The following FNBP1 variants were observed in gnomAD, a reference collection of about 807,000 sequenced individuals.
FNBP1 encodes the protein formin binding protein 1.
Under a neutral mutation model 90.6 loss-of-function variants are expected in FNBP1, and 26 were observed. The observed-to-expected ratio is 0.29, with a 90% CI of 0.21 to 0.40. The LOEUF is 0.40. Ranked by LOEUF, FNBP1 falls within the 10% of genes least tolerant of loss-of-function variation. The pLI is 1.00. For synonymous variants in FNBP1, 260 were observed against 265.2 expected (o/e 0.98, Z 0.19); for missense variants, 635 against 768.0 (o/e 0.83, Z 2.05).
chr9:129,927,163 G>A (rs1172142743), intron 8 of FNBP1, 32 bp downstream of exon 8: 2 of 1,608,558 alleles, frequency 1.2e-6, no homozygotes, highest in Non-Finnish European at 1.7e-6. Flanking sequence ...TCTGCAAATA[G>A]TTATCAATGA....
At chr9:129,915,458 G>A (rs1564316202) in intron 11 of FNBP1, among the ~76,000 whole-genome samples, 1 of 152,030 alleles carries the variant, frequency 6.6e-6, no homozygotes, top group East Asian at 1.9e-4. Context: ...TTCACCTCCC[G>A]GGTTCAAGCA....
At chr9:129,895,735 A>G in intron 16 of FNBP1, 103 bp downstream of exon 16, 1 of 1,400,896 alleles carries the variant, frequency 7.1e-7, no homozygotes, top group Non-Finnish European at 9.2e-7. Context: ...CTTGCCAGCC[A>G]GTCTCTTGAG....
chr9:129,899,826 G>GGGGAAA, intron 15 of FNBP1, 139 bp downstream of exon 15: 1 of 662,366 alleles, frequency 1.5e-6, no homozygotes, highest in Non-Finnish European at 2.3e-6. Context: ...GGAAGGGGAA[G>GGGGAAA]GGAAGGTAGG....
chr9:129,906,032 C>T (rs947924455), intron 12 of FNBP1, among the ~76,000 whole-genome samples: 12 of 151,756 alleles, frequency 7.9e-5, no homozygotes, highest in Admixed American at 3.3e-4. Context: ...TACAGACATG[C>T]GCCACCACGC....
Position 129,890,561 on chromosome 9 carries a change from G to A in FNBP1, c.1847-15C>T. The A allele has an allele frequency of 1.3e-6, 2 of 1,574,610 alleles. No homozygotes were observed. Among genetic ancestry groups the A allele is most frequent in the Non-Finnish European group, 1.7e-6 (2 of 1,160,278 alleles). On this transcript the variant is annotated splice_polypyrimidine_tract_variant and intron_variant, in intron 16 of 16. Coordinates refer to ENST00000446176, the MANE Select transcript of FNBP1 (RefSeq NM_015033.3). The surrounding 1 kb of genome is among the most constrained non-coding windows in gnomAD (Gnocchi z 5.8). Reference sequence around the variant, plus strand: ...CCTCTAGGAATCTACAACACAAAGAGAAACAGAAAGAGAAACTCTCTGTTA... The same window carrying A: ...CCTCTAGGAATCTACAACACAAAGAAAAACAGAAAGAGAAACTCTCTGTTA...
chr9:129,989,209 A>G (rs1228474119), intron 2 of FNBP1, among the ~76,000 whole-genome samples: 4 of 152,198 alleles, frequency 2.6e-5, no homozygotes, highest in Non-Finnish European at 5.9e-5. Context: ...TTGGAGTCAT[A>G]CATGCTATCT....
At position 129,957,226 on chromosome 9, in the gene FNBP1, T is replaced by TG. The variant is rs1434866044; in HGVS notation, c.513+133dup. 1.8e-5 allele frequency: 11 copies of TG among 627,914 alleles called. No individual in the cohort carries two copies. Among genetic ancestry groups the TG allele is most frequent in the Middle Eastern group, 4.2e-4 (1 of 2,404 alleles). 38.9% of individuals were successfully genotyped at this position (627,914 alleles called of 1,614,324 possible). On this transcript the variant is annotated intron_variant, in intron 6 of 16. Coordinates refer to ENST00000446176, the MANE Select transcript of FNBP1 (RefSeq NM_015033.3). This position sits in a 1 kb window ranked among gnomAD's most constrained non-coding sequence, Gnocchi z 4.3. ...CTAATTTTTGTGTTTTTCGTAGAGA[T>TG]GGGGTTTCACCATCTTGGCCAGGCT...
chr9:130,022,662 A>T (rs1589320335), intron 1 of FNBP1, among the ~76,000 whole-genome samples: 7 of 151,042 alleles, frequency 4.6e-5, no homozygotes, highest in Admixed American at 4.6e-4. Flanking sequence ...AAATACCAAC[A>T]CTCGCTCTTT....
chr9:130,008,891 C>T (rs1315634793), intron 1 of FNBP1, among the ~76,000 whole-genome samples: 1 of 151,866 alleles, frequency 6.6e-6, no homozygotes, highest in Non-Finnish European at 1.5e-5. Flanking sequence ...CAAGACCGAC[C>T]CAGGAAAGGA....
chr9:130,029,072 T>C (rs933695307), intron 1 of FNBP1, among the ~76,000 whole-genome samples: 8 of 152,150 alleles, frequency 5.3e-5, no homozygotes, highest in African/African-American at 1.9e-4. Context: ...AAGCAAAACA[T>C]TTTTTACTAT....
At chr9:129,959,188 T>A (rs1471208324) in intron 4 of FNBP1, among the ~76,000 whole-genome samples, 2 of 151,244 alleles carry the variant, frequency 1.3e-5, no homozygotes, top group Non-Finnish European at 2.9e-5. Flanking sequence ...AGTCAGTTAC[T>A]TGGGAGGCTG....
upstream of FNBP1, among the ~76,000 whole-genome samples, chr9:130,046,246 A>G (rs909404818): frequency 1.3e-5 from 2 of 152,108 alleles, no homozygotes; most frequent in Admixed American, 1.3e-4. Context: ...CCAAGACAAG[A>G]TTAGAGGTGT....
chr9:129,962,625 G>A (rs541873724), intron 4 of FNBP1, among the ~76,000 whole-genome samples: 3 of 152,166 alleles, frequency 2.0e-5, no homozygotes, highest in Admixed American at 6.5e-5. Flanking sequence ...TCTCTTTTGA[G>A]GTCGAGTTTC....
chr9:130,048,491 CTTTT>C, the FNBP1 span, among the ~76,000 whole-genome samples: 1 of 105,080 alleles, frequency 9.5e-6, no homozygotes. Context: ...CCTCAGTTTC[CTTTT>C]TTTTTTTTTT....
intron 4 of FNBP1, among the ~76,000 whole-genome samples, chr9:129,963,224 TGTGG>T (rs919586879): frequency 1.3e-5 from 2 of 152,146 alleles, no homozygotes; most frequent in Non-Finnish European, 2.9e-5. Flanking sequence ...GGGGCAATGC[TGTGG>T]GTGGAGACAG....
At chr9:129,926,400 G>A (rs1235656274) in intron 8 of FNBP1, among the ~76,000 whole-genome samples, 1 of 152,156 alleles carries the variant, frequency 6.6e-6, no homozygotes, top group Non-Finnish European at 1.5e-5. Context: ...CTGCCCTAAA[G>A]CAGTATTCTC....
rs2050589073 is a variant in FNBP1 at position 129,977,893 on chromosome 9, T to G, written c.345+572A>C. Among the ~76,000 whole-genome samples the G allele has an allele frequency of 2.6e-5, 4 of 152,208 alleles. No homozygotes were observed. The South Asian group carries it at 8.3e-4, about 32-fold the overall frequency. ...CTGATACCCTGAAATATATTTAAAT[T>G]CCTCAAAGGGATGCATATTCCTTTG... On this transcript the variant is annotated intron_variant, in intron 4 of 16. Coordinates refer to ENST00000446176, the MANE Select transcript of FNBP1 (RefSeq NM_015033.3).
At chr9:129,949,890 T>C (rs1323889141) in intron 6 of FNBP1, among the ~76,000 whole-genome samples, 4 of 152,178 alleles carry the variant, frequency 2.6e-5, no homozygotes, top group Non-Finnish European at 5.9e-5. Context: ...TTCATATCAA[T>C]TGTATCAAGC....
In FNBP1 at chr9:130,025,700, G is replaced by T. The variant is rs150686940; in HGVS notation, c.24+17252C>A. ...GCACTTTGGGAGGCCTAGGCGGGTG[G>T]ATCACCTGAGGTCAGGAGTTCCAGA... On this transcript the variant is annotated intron_variant, in intron 1 of 16. Coordinates refer to ENST00000446176, the MANE Select transcript of FNBP1 (RefSeq NM_015033.3). 3.6e-3 allele frequency among the ~76,000 whole-genome samples: 544 copies of T among 152,304 alleles called. 3 individuals are homozygous for T. The highest frequency in any genetic ancestry group is 0.013 in the African/African-American group (525 of 41,564).
Sources: gnomAD v4.1 joint callset for allele counts (sites outside exome capture counted in the v4.1 genomes callset) on GRCh38, gnomAD v4.1.1 for gene constraint, Gnocchi (gnomAD v3.1) non-coding constraint, MANE v1.5 for transcripts, NCBI Gene and HGNC (gene_info 2026-07-23, HGNC 2026-07-21) for gene names.